Variants in SPOCK1 observed in about 807,000 individuals in gnomAD.
SPOCK1 encodes the protein testican-1.
A neutral mutation model predicts 55.3 loss-of-function variants in SPOCK1; 23 were observed. The observed-to-expected ratio is 0.42, with a 90% CI of 0.30 to 0.59. The LOEUF (loss-of-function observed/expected upper bound fraction) is 0.59. Among genes scored for constraint, SPOCK1 ranks in the 20% least tolerant of loss-of-function variants. The pLI is 0.22. For missense variants in SPOCK1, 499 were observed against 552.5 expected (o/e 0.90, Z 0.97); for synonymous variants, 226 against 221.0 (o/e 1.02, Z -0.20).
intron 2 of SPOCK1, among the ~76,000 whole-genome samples, chr5:137,332,861 G>A (rs1683900700): frequency 6.6e-6 from 1 of 152,220 alleles, no homozygotes; most frequent in Admixed American, 6.5e-5. Context: ...AATAGGCTAA[G>A]TGCAAAGTGA....
Position 136,988,279 on chromosome 5 carries a change from A to G in SPOCK1, c.928+143T>C, listed in dbSNP as rs1750880801. The G allele has an allele frequency of 4.7e-6, 3 of 644,148 alleles. No individual in the cohort carries two copies. In the South Asian group the frequency reaches 7.2e-5, roughly 16 times the overall value. The allele number at this position is 644,148 out of a possible 1,614,324, so 39.9% of individuals were successfully genotyped here. A position where few individuals can be genotyped will look rare whatever the true frequency, so the allele number is the denominator to read the frequency against. ...AAGCAGAAATAAACTGGAAGAAATG[A>G]GACTTTGGGCCTGGCATTAAATGGA... On this transcript the variant is annotated intron_variant, in intron 8 of 10. Coordinates refer to ENST00000394945, the MANE Select transcript of SPOCK1 (RefSeq NM_004598.4).
At chr5:137,432,741 G>C (rs1752776616) in intron 2 of SPOCK1, among the ~76,000 whole-genome samples, 1 of 152,152 alleles carries the variant, frequency 6.6e-6, no homozygotes, top group Admixed American at 6.5e-5. Context: ...TGAATTTTAT[G>C]TTATATTTTA....
intron 6 of SPOCK1, among the ~76,000 whole-genome samples, chr5:137,007,120 C>T (rs942536358): frequency 1.5e-4 from 23 of 152,096 alleles, no homozygotes; most frequent in Non-Finnish European, 2.9e-4. Flanking sequence ...CCCTTCCTTA[C>T]ACCTCATACA....
At chr5:137,353,155 G>A (rs1262080871) in intron 2 of SPOCK1, among the ~76,000 whole-genome samples, 6 of 152,112 alleles carry the variant, frequency 3.9e-5, no homozygotes, top group South Asian at 2.1e-4. Context: ...TGAGGTGGGC[G>A]GATCGATAGA....
chr5:136,988,978 G>A (rs1470565146), intron 7 of SPOCK1: 1 of 205,822 alleles, frequency 4.9e-6, no homozygotes, highest in East Asian at 1.1e-4. Context: ...TGGTGAGTGA[G>A]AGGTATAGCT....
intron 2 of SPOCK1, among the ~76,000 whole-genome samples, chr5:137,356,838 T>TATATATATGGAG (rs1554077335): frequency 1.8e-4 from 1 of 5,454 alleles, no homozygotes; most frequent in Non-Finnish European, 3.1e-4. Flanking sequence ...TATATATATA[T>TATATATATGGAG]AGAGAGAGAG....
intron 2 of SPOCK1, among the ~76,000 whole-genome samples, chr5:137,362,470 C>T (rs921335807): frequency 6.6e-6 from 1 of 151,802 alleles, no homozygotes; most frequent in Non-Finnish European, 1.5e-5. Context: ...GCTGGAACTA[C>T]AGGCGCCCGC....
chr5:137,321,368 G>T (rs1757979671), intron 2 of SPOCK1, among the ~76,000 whole-genome samples: 1 of 152,018 alleles, frequency 6.6e-6, no homozygotes, highest in African/African-American at 2.4e-5. Flanking sequence ...AATCCAAGAA[G>T]CCAAATAGAT....
Position 137,112,501 on chromosome 5 carries a change from G to A in SPOCK1, c.408C>T (p.Cys136=). 6.2e-7 allele frequency: 1 copy of A among 1,613,884 alleles called. No individual in the cohort carries two copies. Among genetic ancestry groups the A allele is most frequent in the Non-Finnish European group, 8.5e-7 (1 of 1,180,004 alleles). ...HWVGPSNLVK[C]KPCPVAQSAM... Reference sequence around the variant, plus strand: ...CTGACTGTGCCACGGGACAGGGCTTGCACTTGACCAAATTCGAAGGTCCAA... The same window carrying A: ...CTGACTGTGCCACGGGACAGGGCTTACACTTGACCAAATTCGAAGGTCCAA... The change falls in exon 5 of 11, where the codon TGC becomes TGT. Residue 136 remains cysteine, a synonymous_variant. Coordinates refer to ENST00000394945, the MANE Select transcript of SPOCK1 (RefSeq NM_004598.4).
chr5:137,402,701 T>C (rs1322860774), intron 2 of SPOCK1, among the ~76,000 whole-genome samples: 1 of 152,250 alleles, frequency 6.6e-6, no homozygotes, highest in Admixed American at 6.5e-5. Flanking sequence ...TCACGTCATA[T>C]TTCACTGAGT....
chr5:137,269,938 A>G (rs938296728), intron 2 of SPOCK1, among the ~76,000 whole-genome samples: 1 of 152,210 alleles, frequency 6.6e-6, no homozygotes, highest in Non-Finnish European at 1.5e-5. Context: ...CTTATTTTCT[A>G]TCTAAATAAA....
At chr5:137,234,040 G>A (rs985038746) in intron 3 of SPOCK1, among the ~76,000 whole-genome samples, 3 of 152,272 alleles carry the variant, frequency 2.0e-5, no homozygotes, top group African/African-American at 7.2e-5. Context: ...ACAGTCTGAG[G>A]TCCATGAGGA....
intron 2 of SPOCK1, among the ~76,000 whole-genome samples, chr5:137,322,420 T>A (rs1240615748): frequency 6.6e-6 from 1 of 151,366 alleles, no homozygotes; most frequent in Non-Finnish European, 1.5e-5. Flanking sequence ...ATTGTAATAC[T>A]CTAACAATGG....
intron 2 of SPOCK1, among the ~76,000 whole-genome samples, chr5:137,401,907 T>A (rs1751992047): frequency 6.6e-6 from 1 of 152,192 alleles, no homozygotes; most frequent in South Asian, 2.1e-4. Flanking sequence ...CCTGCATCTC[T>A]TTCTTTTAGG....
At chr5:137,447,527 G>A (rs926370625) in intron 2 of SPOCK1, among the ~76,000 whole-genome samples, 19 of 152,058 alleles carry the variant, frequency 1.2e-4, no homozygotes, top group African/African-American at 4.6e-4. Flanking sequence ...GAAATAAATC[G>A]GTATTATATT....
intron 3 of SPOCK1, among the ~76,000 whole-genome samples, chr5:137,182,131 C>T (rs567517979): frequency 7.2e-5 from 11 of 152,186 alleles, no homozygotes; most frequent in African/African-American, 2.4e-4. Flanking sequence ...CACTTTTTTG[C>T]CCTGCATCCT....
intron 2 of SPOCK1, among the ~76,000 whole-genome samples, chr5:137,317,536 T>A (rs1757901972): frequency 6.6e-6 from 1 of 152,188 alleles, no homozygotes; most frequent in Non-Finnish European, 1.5e-5. Flanking sequence ...AAAACAAAAC[T>A]GAAATTCTAA....
chr5:137,140,719 C>T, intron 3 of SPOCK1, 25 bp from the exon 4 acceptor site: 1 of 1,319,052 alleles, frequency 7.6e-7, no homozygotes. Flanking sequence ...AGAAGGAGGG[C>T]AGGGTTTAGG....
chr5:137,095,275 A>C (rs1753123729), intron 5 of SPOCK1, among the ~76,000 whole-genome samples: 1 of 152,210 alleles, frequency 6.6e-6, no homozygotes, highest in Non-Finnish European at 1.5e-5. Context: ...TGAAGTGAGC[A>C]CCCATTGTTG....
Sources: allele counts gnomAD v4.1 joint callset (sites outside exome capture counted in the v4.1 genomes callset), GRCh38; gene constraint gnomAD v4.1.1; transcripts MANE v1.5; gene names NCBI Gene and HGNC (gene_info 2026-07-23, HGNC 2026-07-21).